The following RBFOX3 variants were observed in gnomAD, a reference collection of about 807,000 sequenced individuals.
RBFOX3 encodes RNA binding protein fox-1 homolog 3.
A neutral mutation model predicts 48.7 loss-of-function variants in RBFOX3; 17 were observed. That is an observed-to-expected ratio of 0.35 (90% CI 0.24 to 0.52). RBFOX3 has a LOEUF of 0.52. Ranked by LOEUF, RBFOX3 falls within the 20% of genes least tolerant of loss-of-function variation. The pLI is 0.94. For missense variants in RBFOX3, 382 were observed against 497.5 expected (o/e 0.77, Z 2.21); for synonymous variants, 212 against 209.5 (o/e 1.01, Z -0.10).
chr17:79,173,489 T>G (rs1295864356), intron 4 of RBFOX3, among the ~76,000 whole-genome samples: 2 of 152,168 alleles, frequency 1.3e-5, no homozygotes, highest in Non-Finnish European at 2.9e-5. Context: ...GGAGGGCCTA[T>G]TCTCTCTAAG....
At chr17:79,400,903 T>G (rs1443245097) in intron 2 of RBFOX3, among the ~76,000 whole-genome samples, 1 of 152,206 alleles carries the variant, frequency 6.6e-6, no homozygotes, top group Non-Finnish European at 1.5e-5. Flanking sequence ...CACAACACCT[T>G]GCCACCTGGG....
At chr17:79,469,050 GA>G (rs1297344181) in intron 2 of RBFOX3, among the ~76,000 whole-genome samples, 3 of 152,172 alleles carry the variant, frequency 2.0e-5, no homozygotes, top group African/African-American at 7.2e-5. Flanking sequence ...TAGACTGATT[GA>G]TTGACTGATC....
chr17:79,355,605 G>A lies in RBFOX3; in HGVS notation c.-174-47781C>T, dbSNP rs1046000723. On this transcript the variant is annotated intron_variant, in intron 2 of 14. Coordinates refer to ENST00000693108, the MANE Select transcript of RBFOX3 (RefSeq NM_001350451.2). ...ATTGCTTTTTTTTTTTTCCGAAACG[G>A]AGTCTTGCTCTGTTGCCCAGGCTGG... is the stretch of plus-strand genomic sequence containing the variant. 5.3e-4 allele frequency among the ~76,000 whole-genome samples: 80 copies of A among 151,830 alleles called. 1 individual carries two copies. The highest frequency in any genetic ancestry group is 1.9e-3 in the African/African-American group (78 of 41,324).
chr17:79,448,833 T>C (rs1598741904), intron 2 of RBFOX3, among the ~76,000 whole-genome samples: 1 of 152,224 alleles, frequency 6.6e-6, no homozygotes, highest in East Asian at 1.9e-4. Flanking sequence ...TCTCCCCACC[T>C]GGACGGCAGC....
chr17:79,258,882 C>T (rs1205966185), intron 3 of RBFOX3, among the ~76,000 whole-genome samples: 1 of 152,232 alleles, frequency 6.6e-6, no homozygotes, highest in Admixed American at 6.5e-5. Flanking sequence ...TCACAGTCCA[C>T]CTGCCATGGC....
intron 9 of RBFOX3, chr17:79,098,569 C>T (rs1411294350): frequency 6.6e-6 from 1 of 152,280 alleles, no homozygotes; most frequent in Non-Finnish European, 1.5e-5. Flanking sequence ...TAATCGGCAT[C>T]CCAGCCTCTC....
intron 1 of RBFOX3, among the ~76,000 whole-genome samples, chr17:79,487,727 C>T (rs2079845063): frequency 6.6e-6 from 1 of 151,794 alleles, no homozygotes; most frequent in South Asian, 2.1e-4. Context: ...CTGGCTAGCA[C>T]TGTGAAACCC....
chr17:79,548,002 C>T (rs1781108808), intron 1 of RBFOX3, among the ~76,000 whole-genome samples: 1 of 152,238 alleles, frequency 6.6e-6, no homozygotes, highest in African/African-American at 2.4e-5. Context: ...CCCTCCTCAC[C>T]CTATCCTGGA....
At chr17:79,626,863 A>G in the RBFOX3 span, among the ~76,000 whole-genome samples, 4 of 152,194 alleles carry the variant, frequency 2.6e-5, no homozygotes, top group African/African-American at 9.6e-5. Context: ...CCAGATGGTC[A>G]CTTCTGAGAA....
chr17:79,115,660 G>C lies in RBFOX3; in HGVS notation c.56C>G (p.Pro19Arg). 7.2e-7 allele frequency: 1 copy of C among 1,394,730 alleles called. No homozygotes were observed. The highest frequency in any genetic ancestry group is 2.7e-5 in the East Asian group (1 of 37,088). 86.4% of individuals were successfully genotyped at this position (1,394,730 alleles called of 1,614,324 possible). A position where few individuals can be genotyped will look rare whatever the true frequency, so the allele number is the denominator to read the frequency against. Reference sequence around the variant, plus strand: ...CGGTGGGGGCGGGGCGTACTCGGCAGGGATGCCGTTCTGTGGCGGAGGGGG... The same window carrying C: ...CGGTGGGGGCGGGGCGTACTCGGCACGGATGCCGTTCTGTGGCGGAGGGGG... The part of the protein sequence containing the change: ...QYPPPPQNGI[P>R]AEYAPPPPHP... Residue 19 changes from proline (P) to arginine (R), a missense_variant, in exon 5 of 15, where the codon CCT (proline) becomes CGT (arginine). Pro to Arg is a moderately radical substitution (Grantham distance 103). Transcript: ENST00000693108.
At chr17:79,527,940 C>T (rs1027807321) in intron 1 of RBFOX3, among the ~76,000 whole-genome samples, 8 of 152,142 alleles carry the variant, frequency 5.3e-5, no homozygotes, top group South Asian at 2.1e-4. Context: ...CTCTTTCTGC[C>T]GAGTCAGGGC....
At chr17:79,371,260 A>G (rs1471493527) in intron 2 of RBFOX3, among the ~76,000 whole-genome samples, 1 of 152,236 alleles carries the variant, frequency 6.6e-6, no homozygotes, top group Non-Finnish European at 1.5e-5. Flanking sequence ...TGGGTTTGGA[A>G]GGTTCTGGTA....
chr17:79,466,824 A>T (rs1483580616), intron 2 of RBFOX3, among the ~76,000 whole-genome samples: 1 of 152,114 alleles, frequency 6.6e-6, no homozygotes, highest in Non-Finnish European at 1.5e-5. Flanking sequence ...CACAGAGTGC[A>T]GCCGATGAGA....
chr17:79,356,326 T>C (rs9900908), intron 2 of RBFOX3, among the ~76,000 whole-genome samples: 142,449 of 142,456 alleles, frequency 1, 71,221 homozygotes, highest in Middle Eastern at 1. Context: ...GGCACGTACT[T>C]TTTCACTTTT....
intron 1 of RBFOX3, among the ~76,000 whole-genome samples, chr17:79,555,815 C>T (rs1368210919): frequency 0.013 from 14 of 1,094 alleles, no homozygotes; most frequent in Non-Finnish European, 0.02. Context: ...GTGATGGTGA[C>T]GATGATGATA....
intron 4 of RBFOX3, among the ~76,000 whole-genome samples, chr17:79,147,789 G>T (rs961480180): frequency 4.6e-5 from 7 of 152,236 alleles, no homozygotes. Flanking sequence ...GCTGCCGGTG[G>T]GCGACGAGGC....
Position 79,418,321 on chromosome 17 carries a change from C to G in RBFOX3, c.-175+64133G>C, listed in dbSNP as rs1055258704. On this transcript the variant is annotated intron_variant, in intron 2 of 14. Transcript: ENST00000693108. The surrounding 1 kb of genome is among the most constrained non-coding windows in gnomAD (Gnocchi z 5.0). Reference sequence around the variant, plus strand: ...CCCTCCTTGCACACCCACCCATGCACACGCGTGCACACACGTTTCCCACAC... The same window carrying G: ...CCCTCCTTGCACACCCACCCATGCAGACGCGTGCACACACGTTTCCCACAC... 1.1e-4 allele frequency among the ~76,000 whole-genome samples: 17 copies of G among 152,236 alleles called. 1 individual carries two copies. Among genetic ancestry groups the G allele is most frequent in the African/African-American group, 4.1e-4 (17 of 41,466 alleles).
intron 1 of RBFOX3, among the ~76,000 whole-genome samples, chr17:79,577,177 G>A (rs1052018683): frequency 1.8e-4 from 28 of 152,158 alleles, no homozygotes; most frequent in Admixed American, 8.5e-4. Context: ...GCCAGTGCAG[G>A]ACGTGTCTGT....
intron 1 of RBFOX3, among the ~76,000 whole-genome samples, chr17:79,490,443 G>A (rs1239394951): frequency 6.6e-6 from 1 of 152,166 alleles, no homozygotes; most frequent in Non-Finnish European, 1.5e-5. Flanking sequence ...TGGGGCTGGG[G>A]GCCCAGAACC....
Sources: gnomAD v4.1 joint callset for allele counts (sites outside exome capture counted in the v4.1 genomes callset) on GRCh38, gnomAD v4.1.1 for gene constraint, Gnocchi (gnomAD v3.1) non-coding constraint, MANE v1.5 for transcripts, NCBI Gene and HGNC (gene_info 2026-07-23, HGNC 2026-07-21) for gene names.